TMEM117: variants seen among roughly 807,000 people sequenced by gnomAD.
TMEM117 encodes the protein transmembrane protein 117.
Under a neutral mutation model 52.4 loss-of-function variants are expected in TMEM117, and 27 were observed. The ratio of observed to expected loss-of-function variants is 0.51; its 90% CI spans 0.38 to 0.71. The LOEUF (loss-of-function observed/expected upper bound fraction) is 0.71. Among genes scored for constraint, TMEM117 ranks in the 30% least tolerant of loss-of-function variants. The probability of loss-of-function intolerance (pLI) is 0.00; values close to 1 mark genes in which losing one functional copy is unlikely to be tolerated. For missense variants in TMEM117, 556 were observed against 630.5 expected, an observed-to-expected ratio of 0.88 and a Z score of 1.26; for synonymous variants, 215 against 206.3, an observed-to-expected ratio of 1.04 and a Z score of -0.36.
At chr12:44,281,539 G>A (rs1294092656) in intron 5 of TMEM117, among the ~76,000 whole-genome samples, 1 of 152,000 alleles carries the variant, frequency 6.6e-6, no homozygotes, top group Non-Finnish European at 1.5e-5. Context: ...TTTTAACCCA[G>A]TATATAAATT....
intron 2 of TMEM117, among the ~76,000 whole-genome samples, chr12:43,883,855 A>G (rs1008240663): frequency 6.6e-6 from 1 of 152,098 alleles, no homozygotes; most frequent in Non-Finnish European, 1.5e-5. Flanking sequence ...AGTGGCCTGT[A>G]GCCAGGCATA....
chr12:44,100,031 A>G (rs758619854), intron 3 of TMEM117, among the ~76,000 whole-genome samples: 2 of 152,040 alleles, frequency 1.3e-5, no homozygotes, highest in African/African-American at 4.8e-5. Flanking sequence ...TAAAATTAGA[A>G]TGATTCTTTT....
At chr12:44,156,201 C>T (rs1948823411) in intron 4 of TMEM117, among the ~76,000 whole-genome samples, 1 of 152,084 alleles carries the variant, frequency 6.6e-6, no homozygotes, top group Admixed American at 6.6e-5. Context: ...TTCAGAGAGA[C>T]CTCAAGTTCA....
At chr12:43,885,704 G>A (rs1322277744) in intron 2 of TMEM117, among the ~76,000 whole-genome samples, 1 of 152,010 alleles carries the variant, frequency 6.6e-6, no homozygotes, top group East Asian at 1.9e-4. Flanking sequence ...ACCTTAGCGT[G>A]TGAGACAAAT....
intron 2 of TMEM117, among the ~76,000 whole-genome samples, chr12:43,936,079 GT>G (rs914418996): frequency 6.6e-5 from 10 of 152,080 alleles, no homozygotes; most frequent in Non-Finnish European, 1.3e-4. Context: ...ATTATTGAAA[GT>G]TTTTTTAAGT....
chr12:43,918,056 C>T (rs1381942402), intron 2 of TMEM117, among the ~76,000 whole-genome samples: 1 of 152,160 alleles, frequency 6.6e-6, no homozygotes, highest in African/African-American at 2.4e-5. Flanking sequence ...CGAGAACACT[C>T]TTATCATCAA....
At chr12:43,853,900 T>C (rs1565719817) in intron 2 of TMEM117, among the ~76,000 whole-genome samples, 1 of 152,162 alleles carries the variant, frequency 6.6e-6, no homozygotes, top group Non-Finnish European at 1.5e-5. Flanking sequence ...TGAAAGGTAT[T>C]CCTTATAGAT....
Position 44,339,601 on chromosome 12 carries a change from C to T in TMEM117, c.769-36994C>T, listed in dbSNP as rs565150161. Among the ~76,000 whole-genome samples the T allele has an allele frequency of 2.6e-5, 4 of 151,962 alleles. No homozygotes were observed. In the East Asian group the frequency reaches 7.8e-4, roughly 29 times the overall value. On this transcript the variant is annotated intron_variant, in intron 6 of 7. Transcript: ENST00000266534. ...ACTATACAGATATCACATAGCTTTT[C>T]TATAATCAGTAACTAATTAGAAAAT... is the stretch of plus-strand genomic sequence containing the variant.
chr12:44,211,361 A>G lies in TMEM117; in HGVS notation c.582A>G (p.Lys194=). 1.9e-6 allele frequency: 3 copies of G among 1,611,212 alleles called. No homozygotes were observed. The highest frequency in any genetic ancestry group is 2.5e-6 in the Non-Finnish European group (3 of 1,178,424). ...AATCAGCAAGAGCTTTCTGGAAGAA[A>G]GGAAATGTTAGGATCACTTTATTCT... The part of the protein sequence containing the change: ...WGKSARAFWK[K]GNVRITLFWT... Residue 194 remains lysine (K), a synonymous_variant, in exon 5 of 8, where the codon AAA becomes AAG. Transcript: ENST00000266534.
intron 5 of TMEM117, among the ~76,000 whole-genome samples, chr12:44,257,575 T>A (rs7313649): frequency 0.073 from 11,112 of 152,138 alleles, 577 homozygotes; most frequent in Middle Eastern, 0.16. Flanking sequence ...CATAAAACCT[T>A]TTCTCCTGAC....
At chr12:44,059,926 G>A (rs1023804071) in intron 3 of TMEM117, among the ~76,000 whole-genome samples, 4 of 152,170 alleles carry the variant, frequency 2.6e-5, no homozygotes, top group Admixed American at 1.3e-4. Flanking sequence ...TAAATAAGAA[G>A]AGTATAGTGA....
At chr12:44,353,281 G>A (rs1951593540) in intron 6 of TMEM117, among the ~76,000 whole-genome samples, 1 of 152,054 alleles carries the variant, frequency 6.6e-6, no homozygotes, top group Non-Finnish European at 1.5e-5. Context: ...CTTTTGCTGT[G>A]CAGAAGCTCT....
intron 5 of TMEM117, among the ~76,000 whole-genome samples, chr12:44,237,819 G>A (rs1950016778): frequency 1.3e-5 from 2 of 152,068 alleles, no homozygotes; most frequent in African/African-American, 2.4e-5. Context: ...ATACATATCT[G>A]TTGAATAAAT....
chr12:44,019,578 C>T (rs1946424648), intron 3 of TMEM117, among the ~76,000 whole-genome samples: 1 of 152,046 alleles, frequency 6.6e-6, no homozygotes, highest in African/African-American at 2.4e-5. Context: ...GACATTTAGG[C>T]AAATAAGTTT....
At chr12:43,943,598 C>A (rs1191482753) in intron 2 of TMEM117, among the ~76,000 whole-genome samples, 3 of 152,190 alleles carry the variant, frequency 2.0e-5, no homozygotes, top group Non-Finnish European at 4.4e-5. Flanking sequence ...AGGAGCCACA[C>A]CAAGCTTCAT....
intron 3 of TMEM117, among the ~76,000 whole-genome samples, chr12:43,946,399 G>T (rs144973194): frequency 0.88 from 114,872 of 130,494 alleles, 50,063 homozygotes; most frequent in Non-Finnish European, 0.95. Context: ...TTTTTTGTTT[G>T]TTTTTTTATC....
Position 44,291,816 on chromosome 12 carries a change from A to G in TMEM117, c.609-7764A>G, listed in dbSNP as rs1050001878. On this transcript the variant is annotated intron_variant, in intron 5 of 7. Coordinates refer to ENST00000266534, the MANE Select transcript of TMEM117 (RefSeq NM_032256.3). The stretch of plus-strand genomic sequence containing the variant: ...CATTTATTGATTTGTGTAAGCTAAC[A>G]TATCCTTGCTTGCCAAGGATAAATG... 4.6e-5 allele frequency among the ~76,000 whole-genome samples: 7 copies of G among 152,178 alleles called. No homozygotes were observed. In the East Asian group the frequency reaches 1.2e-3, roughly 25 times the overall value.
intron 3 of TMEM117, among the ~76,000 whole-genome samples, chr12:44,083,222 A>G (rs750817381): frequency 1.6e-4 from 24 of 152,112 alleles, no homozygotes; most frequent in Non-Finnish European, 3.5e-4. Flanking sequence ...GGTTTATCCA[A>G]ATGTTCAACT....
chr12:44,056,761 T>C (rs1315317377), intron 3 of TMEM117, among the ~76,000 whole-genome samples: 2 of 152,202 alleles, frequency 1.3e-5, no homozygotes, highest in South Asian at 4.1e-4. Flanking sequence ...TCTCTCTCTC[T>C]CTGTCTCTCT....
Sources: allele counts gnomAD v4.1 joint callset (sites outside exome capture counted in the v4.1 genomes callset), GRCh38; gene constraint gnomAD v4.1.1; transcripts MANE v1.5; gene names NCBI Gene and HGNC (gene_info 2026-07-23, HGNC 2026-07-21).